The following TSPAN18 variants were observed in gnomAD, a reference collection of about 807,000 sequenced individuals.
The protein encoded by TSPAN18 is tetraspanin 18.
Under a neutral mutation model 27.3 loss-of-function variants are expected in TSPAN18, and 14 were observed. The ratio of observed to expected loss-of-function variants is 0.51; its 90% CI spans 0.34 to 0.80. The LOEUF (loss-of-function observed/expected upper bound fraction) is 0.80, where lower values mean the gene tolerates loss of function less well. TSPAN18 is among the 30% of genes least tolerant of loss of function. The pLI, the probability that TSPAN18 is intolerant of heterozygous loss-of-function variation, is 0.01. For missense variants in TSPAN18, 268 were observed against 323.9 expected, an observed-to-expected ratio of 0.83 and a Z score of 1.32; for synonymous variants, 143 against 136.5, an observed-to-expected ratio of 1.05 and a Z score of -0.33.
At chr11:44,918,147 G>A (rs1859982618) in intron 6 of TSPAN18, 101 bp downstream of exon 6, 16 of 1,243,246 alleles carry the variant, frequency 1.3e-5, no homozygotes, top group Non-Finnish European at 1.6e-5. Flanking sequence ...CTCAGAGAGT[G>A]GGCAGCCTCT....
At chr11:44,762,940 TACACTACGGAAACCA>T (rs1482359554) in intron 1 of TSPAN18, among the ~76,000 whole-genome samples, 2 of 152,196 alleles carry the variant, frequency 1.3e-5, no homozygotes, top group East Asian at 3.9e-4. Context: ...TGATAACCAC[TACACTACGGAAACCA>T]ACATCCCTCC....
chr11:44,852,539 C>G (rs950353099), intron 2 of TSPAN18, among the ~76,000 whole-genome samples: 1 of 152,232 alleles, frequency 6.6e-6, no homozygotes, highest in Non-Finnish European at 1.5e-5. Context: ...TTAATTCACA[C>G]TCAGGAGTGG....
chr11:44,795,541 C>G (rs572391554), intron 2 of TSPAN18, among the ~76,000 whole-genome samples: 1 of 152,130 alleles, frequency 6.6e-6, no homozygotes, highest in Non-Finnish European at 1.5e-5. Flanking sequence ...ATAGTCCAAG[C>G]GAGTTCTGGC....
At chr11:44,884,540 C>A (rs765977915) in intron 3 of TSPAN18, among the ~76,000 whole-genome samples, 1 of 152,214 alleles carries the variant, frequency 6.6e-6, no homozygotes, top group Non-Finnish European at 1.5e-5. Flanking sequence ...CGGTTCAGCC[C>A]CTCACATTCC....
intron 2 of TSPAN18, among the ~76,000 whole-genome samples, chr11:44,815,276 C>T (rs544906461): frequency 2.0e-5 from 3 of 152,228 alleles, no homozygotes; most frequent in Non-Finnish European, 4.4e-5. Flanking sequence ...ATGCATTTCT[C>T]TCCTCATTTC....
intron 2 of TSPAN18, among the ~76,000 whole-genome samples, chr11:44,856,391 G>A (rs530752974): frequency 2.0e-5 from 3 of 152,136 alleles, no homozygotes; most frequent in Non-Finnish European, 2.9e-5. Flanking sequence ...TTGAATACCC[G>A]CCCACATGTA....
intron 1 of TSPAN18, among the ~76,000 whole-genome samples, chr11:44,751,912 G>C (rs1304634345): frequency 2.0e-5 from 3 of 151,118 alleles, no homozygotes; most frequent in African/African-American, 7.3e-5. Context: ...GGGTGACAGA[G>C]CAGGACTCCA....
chr11:44,918,747 G>A (rs947436709), intron 6 of TSPAN18, among the ~76,000 whole-genome samples: 4 of 152,098 alleles, frequency 2.6e-5, no homozygotes, highest in Admixed American at 2.6e-4. Context: ...GCAGCAGGAG[G>A]GAAGGAGAAT....
intron 6 of TSPAN18, among the ~76,000 whole-genome samples, chr11:44,918,470 A>G (rs2135363154): frequency 6.6e-6 from 1 of 152,008 alleles, no homozygotes; most frequent in African/African-American, 2.4e-5. Context: ...CAGAGGCCAC[A>G]GGCAGCTGGA....
At chr11:44,801,886 G>C (rs1035141200) in intron 2 of TSPAN18, among the ~76,000 whole-genome samples, 4 of 152,064 alleles carry the variant, frequency 2.6e-5, no homozygotes, top group African/African-American at 9.7e-5. Context: ...AAAAACATCA[G>C]CTGGGTGTGG....
At chr11:44,903,844 T>G (rs1020083230) in intron 3 of TSPAN18, 16 of 456,590 alleles carry the variant, frequency 3.5e-5, no homozygotes, top group African/African-American at 3.0e-4. Context: ...TCACTAGCTG[T>G]GACCTCAGAC....
At chr11:44,853,566 G>A (rs755290) in intron 2 of TSPAN18, among the ~76,000 whole-genome samples, 115,342 of 152,056 alleles carry the variant, frequency 0.76, 43,998 homozygotes, top group East Asian at 0.89. Flanking sequence ...CATCGTCTCC[G>A]TCTTACACTT....
intron 3 of TSPAN18, among the ~76,000 whole-genome samples, chr11:44,898,265 G>A (rs1206990817): frequency 9.2e-5 from 14 of 152,222 alleles, no homozygotes; most frequent in Admixed American, 9.2e-4. Context: ...TAATTAATTG[G>A]TTTTGGAACT....
chr11:44,813,956 G>C (rs1408640519), intron 2 of TSPAN18, among the ~76,000 whole-genome samples: 1 of 152,214 alleles, frequency 6.6e-6, no homozygotes, highest in African/African-American at 2.4e-5. Context: ...TGGGAATGGG[G>C]CCTTGGAGAT....
At chr11:44,797,423 G>A (rs914333468) in intron 2 of TSPAN18, among the ~76,000 whole-genome samples, 2 of 152,090 alleles carry the variant, frequency 1.3e-5, no homozygotes, top group African/African-American at 4.8e-5. Flanking sequence ...TGGGGGCCAC[G>A]GTACCCATCA....
intron 5 of TSPAN18, among the ~76,000 whole-genome samples, chr11:44,911,073 G>A (rs1314374317): frequency 2.6e-5 from 4 of 152,326 alleles, no homozygotes; most frequent in African/African-American, 9.6e-5. Flanking sequence ...GGGTGGATGG[G>A]TCTTCTCTAA....
chr11:44,882,967 G>A (rs1858538000), intron 3 of TSPAN18, among the ~76,000 whole-genome samples: 2 of 152,196 alleles, frequency 1.3e-5, no homozygotes, highest in African/African-American at 4.8e-5. Context: ...CACACAGAGG[G>A]CACTTTCCTG....
chr11:44,784,133 T>G (rs1255963957), intron 2 of TSPAN18, among the ~76,000 whole-genome samples: 2 of 152,106 alleles, frequency 1.3e-5, no homozygotes, highest in Non-Finnish European at 2.9e-5. Flanking sequence ...ATGCCATTAA[T>G]AAGGGGGTGC....
Position 44,813,529 on chromosome 11 carries a change from C to T in TSPAN18, c.-152-46799C>T, listed in dbSNP as rs1856762702. ...TACCCTTTCTCATGTCCAGGAGTGG[C>T]TGCCAAAGGGCTCTTGAAATTTCCA... On this transcript the variant is annotated intron_variant, in intron 2 of 9. Transcript: ENST00000520358. 2.0e-5 allele frequency among the ~76,000 whole-genome samples: 3 copies of T among 152,198 alleles called. No individual in the cohort carries two copies. In the South Asian group the frequency reaches 6.2e-4, roughly 32 times the overall value.
Sources: allele counts gnomAD v4.1 joint callset (sites outside exome capture counted in the v4.1 genomes callset), GRCh38; gene constraint gnomAD v4.1.1; transcripts MANE v1.5; gene names NCBI Gene and HGNC (gene_info 2026-07-23, HGNC 2026-07-21).